Variants in GKAP1 observed in about 807,000 individuals in gnomAD.
The protein encoded by GKAP1 is G kinase anchoring protein 1.
GKAP1 carries 31 observed loss-of-function variants against 56.7 expected under a neutral mutation model. The observed-to-expected ratio is 0.55, with a 90% CI of 0.41 to 0.74. GKAP1 has a LOEUF of 0.74. Among genes scored for constraint, GKAP1 ranks in the 30% least tolerant of loss-of-function variants. The pLI, the probability that GKAP1 is intolerant of heterozygous loss-of-function variation, is 0.00. For missense variants in GKAP1, 364 were observed against 402.3 expected (o/e 0.90, Z 0.82); for synonymous variants, 151 against 138.6 (o/e 1.09, Z -0.63).
At chr9:83,813,313 A>G (rs905518287) in intron 2 of GKAP1, among the ~76,000 whole-genome samples, 2 of 152,198 alleles carry the variant, frequency 1.3e-5, no homozygotes, top group African/African-American at 4.8e-5. Context: ...TAAGTTACTT[A>G]AATTAGTCTA....
At chr9:83,769,042 A>C in intron 7 of GKAP1, 72 bp from the exon 8 acceptor site, 2 of 1,171,980 alleles carry the variant, frequency 1.7e-6, no homozygotes, top group Non-Finnish European at 2.5e-6. Flanking sequence ...CTAGTCAACC[A>C]CAAGAAGGGA....
rs113966160 is a variant in GKAP1 at position 83,755,895 on chromosome 9, C to T, written c.739-2536G>A. 1.3e-4 allele frequency among the ~76,000 whole-genome samples: 20 copies of T among 150,578 alleles called. 1 individual carries two copies. Among genetic ancestry groups the T allele is most frequent in the African/African-American group, 2.4e-4 (10 of 40,986 alleles). ...TCTCAGCTCACTGCAACCTCTGTCT[C>T]CCAGGTTCAAGTGATTCTCCTGCCT... is the stretch of plus-strand genomic sequence containing the variant. On this transcript the variant is annotated intron_variant, in intron 8 of 12. Transcript: ENST00000376371.
intron 11 of GKAP1, 131 bp downstream of exon 11, chr9:83,742,399 T>C (rs1011150629): frequency 4.4e-5 from 28 of 634,024 alleles, no homozygotes; most frequent in Non-Finnish European, 7.7e-5. Context: ...ATTCATGGGC[T>C]ATTACATAAT....
At chr9:83,813,472 A>G (rs984106645) in intron 2 of GKAP1, among the ~76,000 whole-genome samples, 30 of 152,202 alleles carry the variant, frequency 2.0e-4, no homozygotes, top group Admixed American at 1.6e-3. Flanking sequence ...AATTTCAAGG[A>G]TATCTGGGCT....
At chr9:83,811,440 A>G (rs1236728864) in intron 2 of GKAP1, among the ~76,000 whole-genome samples, 2 of 152,268 alleles carry the variant, frequency 1.3e-5, no homozygotes, top group Non-Finnish European at 2.9e-5. Flanking sequence ...TGGGCATACA[A>G]TAGATATTAA....
chr9:83,803,862 G>A (rs942265122), intron 3 of GKAP1, among the ~76,000 whole-genome samples: 2 of 149,154 alleles, frequency 1.3e-5, no homozygotes, highest in South Asian at 2.2e-4. Context: ...GTTTCTGCCC[G>A]GCCGCCCATC....
Position 83,742,592 on chromosome 9 carries a change from T to C in GKAP1, c.913A>G (p.Lys305Glu). Residue 305 changes from lysine to glutamate, a missense_variant, in exon 11 of 13, where the codon AAG (lysine) becomes GAG (glutamate). Coordinates refer to ENST00000376371, the MANE Select transcript of GKAP1 (RefSeq NM_025211.4). ...TCAACTTGCAGAAGTATTTCTGCCT[T>C]ATCTTTCACTGACAAAAAAGGAAAA... ...KMLQEGEMKD[K>E]AEILLQVDES... 6.2e-7 allele frequency: 1 copy of C among 1,610,330 alleles called. No homozygotes were observed. Among genetic ancestry groups the C allele is most frequent in the Non-Finnish European group, 8.5e-7 (1 of 1,178,038 alleles).
intron 7 of GKAP1, among the ~76,000 whole-genome samples, chr9:83,777,376 A>G (rs1943881613): frequency 6.6e-6 from 1 of 152,232 alleles, no homozygotes; most frequent in African/African-American, 2.4e-5. Context: ...TTAAAAAGCA[A>G]CATATTAAAA....
chr9:83,794,046 T>C (rs1167242468), intron 4 of GKAP1, among the ~76,000 whole-genome samples: 1 of 152,096 alleles, frequency 6.6e-6, no homozygotes, highest in Non-Finnish European at 1.5e-5. Context: ...AGTGTGCCTG[T>C]AGTCCCAGCT....
chr9:83,778,884 A>AATT (rs71877533), intron 7 of GKAP1, among the ~76,000 whole-genome samples: 86,400 of 151,470 alleles, frequency 0.57, 25,241 homozygotes, highest in Admixed American at 0.7. Context: ...ACAGCTCTAA[A>AATT]ATAAGGAAAG....
intron 3 of GKAP1, among the ~76,000 whole-genome samples, chr9:83,805,490 C>A (rs549007494): frequency 4.0e-5 from 6 of 151,528 alleles, no homozygotes; most frequent in East Asian, 3.9e-4. Context: ...AAAAAAAAAA[C>A]CATGTAATTA....
At chr9:83,781,650 C>G (rs1016191962) in intron 6 of GKAP1, among the ~76,000 whole-genome samples, 1 of 152,102 alleles carries the variant, frequency 6.6e-6, no homozygotes, top group African/African-American at 2.4e-5. Flanking sequence ...ATTTAGCATA[C>G]AGTGATGCCA....
rs1461862004 is a variant in GKAP1, at chr9:83,784,941, G to A, written c.439-103C>T. 3.9e-6 allele frequency: 4 copies of A among 1,038,408 alleles called. No individual in the cohort carries two copies. The South Asian group carries it at 7.2e-5, about 19-fold the overall frequency. The allele number at this position is 1,038,408 out of a possible 1,614,324, so 64.3% of individuals were successfully genotyped here. ...TAAAGTTTATTTTTTAAAGATAAAA[G>A]GCAAATAAAAAACCAAAATTTAGGC... On this transcript the variant is annotated intron_variant, in intron 5 of 12. Coordinates refer to ENST00000376371, the MANE Select transcript of GKAP1 (RefSeq NM_025211.4).
Position 83,776,916 on chromosome 9 carries a change from C to T in GKAP1, c.585+3466G>A, listed in dbSNP as rs1487089375. Among the ~76,000 whole-genome samples the T allele has an allele frequency of 2.9e-5, 3 of 102,234 alleles. No homozygotes were observed. The Admixed American group carries it at 3.9e-4, about 13-fold the overall frequency. The allele number at this position is 102,234 out of a possible 152,430, so 67.1% of individuals were successfully genotyped here. On this transcript the variant is annotated intron_variant, in intron 7 of 12. Coordinates refer to ENST00000376371, the MANE Select transcript of GKAP1 (RefSeq NM_025211.4). Reference sequence around the variant, plus strand: ...ACGCTCATAATCAGCTAAAGGTAGACATGTGGAGCATTAGTGCTAAAGCAC... The same window carrying T: ...ACGCTCATAATCAGCTAAAGGTAGATATGTGGAGCATTAGTGCTAAAGCAC...
At chr9:83,814,252 G>C (rs1011718823) in intron 2 of GKAP1, among the ~76,000 whole-genome samples, 31 of 152,138 alleles carry the variant, frequency 2.0e-4, no homozygotes, top group African/African-American at 7.5e-4. Flanking sequence ...TCTTTCTTCA[G>C]ATTTTGCATG....
At chr9:83,793,054 C>G in intron 4 of GKAP1, 9 of 1,096,164 alleles carry the variant, frequency 8.2e-6, no homozygotes, top group Non-Finnish European at 1.1e-5. Flanking sequence ...TTTAAGCAAA[C>G]CTATAGCTCA....
intron 7 of GKAP1, among the ~76,000 whole-genome samples, chr9:83,779,313 AATT>A (rs1309731634): frequency 2.6e-5 from 4 of 151,456 alleles, no homozygotes; most frequent in Non-Finnish European, 4.4e-5. Context: ...TTAGGAACTA[AATT>A]ATTAATACAA....
In GKAP1 at chr9:83,747,461, A is replaced by C. The variant is rs60150828; in HGVS notation, c.904+848T>G. 1.7e-3 allele frequency among the ~76,000 whole-genome samples: 255 copies of C among 152,262 alleles called. 1 individual carries two copies. Among genetic ancestry groups the C allele is most frequent in the African/African-American group, 6.0e-3 (248 of 41,546 alleles). ...GTGATGACAGGCTGCCTCCTTCAAT[A>C]ACTGAAAAAGCAGAATCCTAAGCAA... On this transcript the variant is annotated intron_variant, in intron 10 of 12. Coordinates refer to ENST00000376371, the MANE Select transcript of GKAP1 (RefSeq NM_025211.4).
chr9:83,804,269 C>T (rs1381471163), intron 3 of GKAP1, among the ~76,000 whole-genome samples: 16 of 146,100 alleles, frequency 1.1e-4, no homozygotes, highest in African/African-American at 2.8e-4. Flanking sequence ...GCCCCCCGCC[C>T]GGCCAGCCGC....
Sources: allele counts gnomAD v4.1 joint callset (sites outside exome capture counted in the v4.1 genomes callset), GRCh38; gene constraint gnomAD v4.1.1; transcripts MANE v1.5; gene names NCBI Gene and HGNC (gene_info 2026-07-23, HGNC 2026-07-21).